Variants in MTUS2 observed in about 807,000 individuals in gnomAD.
The protein encoded by MTUS2 is microtubule associated scaffold protein 2.
A neutral mutation model predicts 114.1 loss-of-function variants in MTUS2; 40 were observed. That is an observed-to-expected ratio of 0.35 (90% CI 0.27 to 0.46). The LOEUF is 0.46. Among genes scored for constraint, MTUS2 ranks in the 20% least tolerant of loss-of-function variants. The pLI is 1.00. For missense variants in MTUS2, 1,679 were observed against 1,705.4 expected (o/e 0.98, Z 0.27); for synonymous variants, 688 against 672.0 (o/e 1.02, Z -0.37).
intron 5 of MTUS2, among the ~76,000 whole-genome samples, chr13:29,251,395 T>C (rs978915787): frequency 6.6e-6 from 1 of 152,164 alleles, no homozygotes; most frequent in Non-Finnish European, 1.5e-5. Flanking sequence ...TTTTATTAGA[T>C]TGGTGCAAAA....
At chr13:28,959,276 G>T (rs1158130435) in intron 2 of MTUS2, among the ~76,000 whole-genome samples, 1 of 152,202 alleles carries the variant, frequency 6.6e-6, no homozygotes, top group Non-Finnish European at 1.5e-5. Flanking sequence ...CTGTGCCGGT[G>T]AATGTCACAT....
At chr13:28,843,559 G>T (rs1396737433) in intron 2 of MTUS2, among the ~76,000 whole-genome samples, 1 of 152,116 alleles carries the variant, frequency 6.6e-6, no homozygotes, top group East Asian at 1.9e-4. Flanking sequence ...TTAGTATGTT[G>T]GTTATTGGGA....
At chr13:28,864,309 TAAAAG>T (rs370376792) in intron 2 of MTUS2, among the ~76,000 whole-genome samples, 20 of 151,992 alleles carry the variant, frequency 1.3e-4, no homozygotes, top group African/African-American at 4.6e-4. Context: ...CCATGAAAAA[TAAAAG>T]GAAAGTGGGA....
At chr13:29,163,313 G>A (rs1384330663) in intron 5 of MTUS2, among the ~76,000 whole-genome samples, 3 of 152,134 alleles carry the variant, frequency 2.0e-5, no homozygotes, top group Admixed American at 6.5e-5. Flanking sequence ...CTGGGCTCCC[G>A]TCCCCTCGGC....
chr13:28,844,615 G>A (rs1480836863), intron 2 of MTUS2, among the ~76,000 whole-genome samples: 2 of 151,056 alleles, frequency 1.3e-5, no homozygotes, highest in South Asian at 2.1e-4. Context: ...GTGTGTGTAT[G>A]TGTGTGTGTG....
chr13:29,154,657 T>C (rs4769683), intron 5 of MTUS2, among the ~76,000 whole-genome samples: 152,289 of 152,366 alleles, frequency 1, 76,106 homozygotes, highest in Non-Finnish European at 1. Flanking sequence ...GGAAAAGAAC[T>C]CAAATTACCT....
intron 1 of MTUS2, among the ~76,000 whole-genome samples, chr13:28,828,622 C>T (rs550982254): frequency 5.9e-5 from 9 of 152,228 alleles, no homozygotes; most frequent in East Asian, 3.9e-4. Flanking sequence ...CCGGTCCCTC[C>T]GTTCGGGGTC....
chr13:29,380,418 G>C (rs1035510855), intron 8 of MTUS2, among the ~76,000 whole-genome samples: 2 of 152,204 alleles, frequency 1.3e-5, no homozygotes, highest in Non-Finnish European at 2.9e-5. Context: ...AAGACAAATA[G>C]TTTGAAGTGG....
intron 8 of MTUS2, among the ~76,000 whole-genome samples, chr13:29,369,304 G>A (rs1035833839): frequency 6.6e-6 from 1 of 152,126 alleles, no homozygotes; most frequent in East Asian, 1.9e-4. Flanking sequence ...AGTGGCAATG[G>A]CACCATCTAC....
intron 5 of MTUS2, among the ~76,000 whole-genome samples, chr13:29,201,576 T>A (rs916599282): frequency 6.6e-6 from 1 of 152,184 alleles, no homozygotes; most frequent in Admixed American, 6.5e-5. Flanking sequence ...ATTCTGCCAG[T>A]TGATGCAGTC....
chr13:28,844,936 T>A (rs1371391088), intron 2 of MTUS2, among the ~76,000 whole-genome samples: 1 of 152,144 alleles, frequency 6.6e-6, no homozygotes, highest in South Asian at 2.1e-4. Flanking sequence ...TTTTTTAAAA[T>A]TTTAATTTAA....
intron 2 of MTUS2, among the ~76,000 whole-genome samples, chr13:28,926,655 C>T (rs777699257): frequency 5.3e-5 from 8 of 152,156 alleles, no homozygotes; most frequent in South Asian, 2.1e-4. Context: ...TAAAAATAAA[C>T]GTACAGGCTT....
At chr13:29,427,849 T>A (rs1271937478) in intron 8 of MTUS2, among the ~76,000 whole-genome samples, 1 of 152,206 alleles carries the variant, frequency 6.6e-6, no homozygotes, top group African/African-American at 2.4e-5. Context: ...ATAAAATCAA[T>A]CATGTAAATA....
chr13:29,066,496 C>T (rs1565989639), intron 4 of MTUS2, among the ~76,000 whole-genome samples: 1 of 152,176 alleles, frequency 6.6e-6, no homozygotes, highest in Admixed American at 6.5e-5. Context: ...CAACTACTCA[C>T]CTCCGATGTT....
At chr13:28,905,559 T>C (rs1879945450) in intron 2 of MTUS2, among the ~76,000 whole-genome samples, 1 of 151,576 alleles carries the variant, frequency 6.6e-6, no homozygotes, top group Non-Finnish European at 1.5e-5. Flanking sequence ...ATTACATTTA[T>C]TGATTTTCGT....
At chr13:28,868,212 G>T (rs759097171) in intron 2 of MTUS2, among the ~76,000 whole-genome samples, 3 of 152,152 alleles carry the variant, frequency 2.0e-5, no homozygotes, top group Non-Finnish European at 2.9e-5. Flanking sequence ...AATTCACATC[G>T]TGATATAGTA....
intron 9 of MTUS2, among the ~76,000 whole-genome samples, chr13:29,479,803 C>A (rs1009346421): frequency 6.6e-6 from 1 of 152,144 alleles, no homozygotes; most frequent in African/African-American, 2.4e-5. Flanking sequence ...TTACCAAACG[C>A]CCAATATTTT....
chr13:29,185,584 T>G (rs553125913), intron 5 of MTUS2, among the ~76,000 whole-genome samples: 1 of 152,088 alleles, frequency 6.6e-6, no homozygotes. Context: ...ACAGCTGATT[T>G]CTCCCCCCCA....
chr13:29,311,257 C>T (rs1394694872), intron 6 of MTUS2, among the ~76,000 whole-genome samples: 1 of 152,152 alleles, frequency 6.6e-6, no homozygotes, highest in Non-Finnish European at 1.5e-5. Flanking sequence ...CAGTTGTTTC[C>T]TCGAATGGAA....
Sources: allele counts gnomAD v4.1 joint callset (sites outside exome capture counted in the v4.1 genomes callset), GRCh38; gene constraint gnomAD v4.1.1; transcripts MANE v1.5; gene names NCBI Gene and HGNC (gene_info 2026-07-23, HGNC 2026-07-21).